CACNB4: variants seen among roughly 807,000 people sequenced by gnomAD.
The protein encoded by CACNB4 is voltage-dependent L-type calcium channel subunit beta-4.
Under a neutral mutation model 71.2 loss-of-function variants are expected in CACNB4, and 32 were observed. The observed-to-expected ratio is 0.45, with a 90% CI of 0.34 to 0.60. The LOEUF (loss-of-function observed/expected upper bound fraction) is 0.60, where lower values mean the gene tolerates loss of function less well. CACNB4 is among the 20% of genes least tolerant of loss of function. The pLI is 0.01. For missense variants in CACNB4, 464 were observed against 647.9 expected, an observed-to-expected ratio of 0.72 and a Z score of 3.08; for synonymous variants, 231 against 236.9, an observed-to-expected ratio of 0.97 and a Z score of 0.23.
chr2:151,952,639 A>T (rs532012773), intron 2 of CACNB4, among the ~76,000 whole-genome samples: 2 of 152,360 alleles, frequency 1.3e-5, no homozygotes, highest in Non-Finnish European at 2.9e-5. Flanking sequence ...GGGACCCGAG[A>T]AGCAGCTAGT....
chr2:152,068,915 C>G (rs1041115798), intron 2 of CACNB4, among the ~76,000 whole-genome samples: 7 of 152,162 alleles, frequency 4.6e-5, no homozygotes, highest in Admixed American at 2.0e-4. Context: ...TAGGCCCTAC[C>G]CCTCTAGCCA....
intron 2 of CACNB4, among the ~76,000 whole-genome samples, chr2:151,941,308 G>A (rs1016931720): frequency 2.1e-4 from 26 of 124,436 alleles, no homozygotes; most frequent in Admixed American, 9.8e-4. Context: ...TTTAGCTTGC[G>A]TCTCGCTCTG....
chr2:151,912,668 A>G, intron 2 of CACNB4, among the ~76,000 whole-genome samples: 1 of 152,118 alleles, frequency 6.6e-6, no homozygotes. Context: ...AGTTCTGTAG[A>G]TGTCTACTAG....
At chr2:151,920,909 C>T (rs376273904) in intron 2 of CACNB4, among the ~76,000 whole-genome samples, 31 of 152,090 alleles carry the variant, frequency 2.0e-4, no homozygotes, top group South Asian at 8.3e-4. Context: ...GAGGCCAAGG[C>T]GGACGGATCA....
chr2:151,883,050 G>A, intron 3 of CACNB4: 1 of 569,734 alleles, frequency 1.8e-6, no homozygotes, highest in Non-Finnish European at 3.1e-6. Context: ...AATACAAAAA[G>A]GTGAAGGTTC....
chr2:151,883,482 C>T (rs2099848507), intron 2 of CACNB4, 112 bp from the exon 3 acceptor site: 2 of 920,176 alleles, frequency 2.2e-6, no homozygotes, highest in Admixed American at 3.8e-5. Flanking sequence ...TTGATGCACA[C>T]ACTCCATGCC....
intron 2 of CACNB4, among the ~76,000 whole-genome samples, chr2:151,981,634 GA>G (rs2099874737): frequency 6.6e-6 from 1 of 152,062 alleles, no homozygotes; most frequent in African/African-American, 2.4e-5. Context: ...ATTTACCTTT[GA>G]AAAAGTGTGC....
chr2:151,885,438 T>A (rs1422489651), intron 2 of CACNB4, among the ~76,000 whole-genome samples: 1 of 152,178 alleles, frequency 6.6e-6, no homozygotes, highest in African/African-American at 2.4e-5. Context: ...CAGATTCACA[T>A]CCCACACTGA....
intron 9 of CACNB4, chr2:151,867,211 A>G (rs2099843393): frequency 6.6e-6 from 1 of 152,190 alleles, no homozygotes. Flanking sequence ...GGTTGAAACC[A>G]TGTGACTCCA....
At chr2:151,988,537 A>G (rs1448949532) in intron 2 of CACNB4, among the ~76,000 whole-genome samples, 1 of 152,178 alleles carries the variant, frequency 6.6e-6, no homozygotes, top group Non-Finnish European at 1.5e-5. Flanking sequence ...TGGAGCTGCT[A>G]TAAAAAAAAT....
chr2:152,032,257 T>C (rs1326980710), intron 2 of CACNB4, among the ~76,000 whole-genome samples: 1 of 152,114 alleles, frequency 6.6e-6, no homozygotes, highest in African/African-American at 2.4e-5. Context: ...GGATAAGAAA[T>C]TGGCCTGAGA....
In CACNB4 at chr2:152,098,695, T is replaced by G. The variant is rs1406803344; in HGVS notation, c.63+254A>C. 1.3e-6 allele frequency: 2 copies of G among 1,560,212 alleles called. No individual in the cohort carries two copies. The highest frequency in any genetic ancestry group is 8.7e-7 in the Non-Finnish European group (1 of 1,152,534). Reference sequence around the variant, plus strand: ...CGGGGTCCGAGTCCCCGGCATCCGCTGGGGGAGGCTGCGGGCTCCGGAGCG... The same window carrying G: ...CGGGGTCCGAGTCCCCGGCATCCGCGGGGGGAGGCTGCGGGCTCCGGAGCG... On this transcript the variant is annotated intron_variant, in intron 1 of 13. Transcript: ENST00000539935. This position sits in a 1 kb window ranked among gnomAD's most constrained non-coding sequence, Gnocchi z 5.3.
At chr2:151,998,518 A>G (rs907837711) in intron 2 of CACNB4, among the ~76,000 whole-genome samples, 2 of 152,152 alleles carry the variant, frequency 1.3e-5, no homozygotes, top group Non-Finnish European at 2.9e-5. Flanking sequence ...TCTTATTGGT[A>G]AAATGAAACC....
At chr2:151,953,352 T>C (rs972751781) in intron 2 of CACNB4, among the ~76,000 whole-genome samples, 3 of 152,212 alleles carry the variant, frequency 2.0e-5, no homozygotes, top group Non-Finnish European at 2.9e-5. Flanking sequence ...CTTCTCTTGT[T>C]CTGTTTCCTC....
chr2:152,035,651 C>CTCTCTCTCTCTCTCTCTATATATA (rs796161186), intron 2 of CACNB4, among the ~76,000 whole-genome samples: 119 of 118,006 alleles, frequency 1.0e-3, no homozygotes, highest in African/African-American at 4.1e-3. Flanking sequence ...CTCTCTCTCT[C>CTCTCTCTCTCTCTCTCTATATATA]TATATATATA....
intron 2 of CACNB4, among the ~76,000 whole-genome samples, chr2:152,003,086 C>A (rs1423700801): frequency 1.3e-5 from 2 of 152,162 alleles, no homozygotes; most frequent in Non-Finnish European, 1.5e-5. Context: ...TTGCCTGATA[C>A]CATTTTCTTC....
At chr2:152,093,426 T>C (rs1688091126) in intron 2 of CACNB4, among the ~76,000 whole-genome samples, 1 of 152,052 alleles carries the variant, frequency 6.6e-6, no homozygotes, top group Non-Finnish European at 1.5e-5. Context: ...TGTGTGTGTG[T>C]GTGTATTTTT....
At chr2:151,903,531 T>C (rs1395413673) in intron 2 of CACNB4, among the ~76,000 whole-genome samples, 4 of 152,072 alleles carry the variant, frequency 2.6e-5, no homozygotes, top group South Asian at 4.1e-4. Context: ...AAAAAATTCA[T>C]TTACTTTGAA....
chr2:152,049,357 G>T lies in CACNB4; in HGVS notation c.147+48973C>A, dbSNP rs184097098. Among the ~76,000 whole-genome samples, 713 of 152,006 alleles carry T rather than the reference G, an allele frequency of 4.7e-3. 9 individuals carry two copies. The highest frequency in any genetic ancestry group is 0.016 in the African/African-American group (660 of 41,430). On this transcript the variant is annotated intron_variant, in intron 2 of 13. Transcript: ENST00000539935. ...TTTTTTTATTTTCAGTAGAGATGGG[G>T]TTTTGCCATGTTGGAACTCCTGACC...
Sources: gnomAD v4.1 joint callset for allele counts (sites outside exome capture counted in the v4.1 genomes callset) on GRCh38, gnomAD v4.1.1 for gene constraint, Gnocchi (gnomAD v3.1) non-coding constraint, MANE v1.5 for transcripts, NCBI Gene and HGNC (gene_info 2026-07-23, HGNC 2026-07-21) for gene names.